The following FMO3 variants were observed in gnomAD, a reference collection of about 807,000 sequenced individuals.
FMO3 encodes the protein flavin-containing monooxygenase 3.
In FMO3, 40 loss-of-function variants were observed where a neutral mutation model predicts 39.4. The ratio of observed to expected loss-of-function variants is 1.02; its 90% CI spans 0.79 to 1.32. The LOEUF is 1.32. FMO3 is among the 40% of genes most tolerant of loss of function. The pLI, the probability that FMO3 is intolerant of heterozygous loss-of-function variation, is 0.00. For synonymous variants in FMO3, 219 were observed against 228.8 expected (o/e 0.96, Z 0.39); for missense variants, 680 against 651.8 (o/e 1.04, Z -0.47).
Position 171,092,683 on chromosome 1 carries a change from G to C in FMO3, c.25G>C (p.Gly9Arg). MGKKVAIIGAGVSGLASIR... is the reference protein window; with the variant it reads MGKKVAIIRAGVSGLASIR... ...CATGGGGAAGAAAGTGGCCATCATT[G>C]GAGCTGGTGTGAGTGGCTTGGCCTC... Residue 9 changes from glycine (G) to arginine (R), a missense_variant, in exon 2 of 9, where the codon GGA becomes CGA. Gly to Arg is a moderately radical substitution (Grantham distance 125). Transcript: ENST00000367755. The C allele has an allele frequency of 6.2e-7, 1 of 1,614,180 alleles. No individual in the cohort carries two copies.
intron 2 of FMO3, among the ~76,000 whole-genome samples, chr1:171,093,554 TG>T (rs1181771610): frequency 6.6e-6 from 1 of 151,858 alleles, no homozygotes; most frequent in Non-Finnish European, 1.5e-5. Context: ...CATATATGTA[TG>T]TATATACCAC....
Position 171,117,274 on chromosome 1 carries a change from G to A in FMO3, c.1431G>A (p.Gly477=). ...SPYQFRLVGP[G]QWPGARNAIL... Reference sequence around the variant, plus strand: ...ACCAGTTTAGGCTGGTGGGCCCAGGGCAGTGGCCAGGAGCCAGAAATGCCA... The same window carrying A: ...ACCAGTTTAGGCTGGTGGGCCCAGGACAGTGGCCAGGAGCCAGAAATGCCA... The change falls in exon 9 of 9, where the codon GGG becomes GGA. Residue 477 remains glycine, a synonymous_variant. Transcript: ENST00000367755. 6.2e-7 allele frequency: 1 copy of A among 1,614,194 alleles called. No homozygotes were observed. The highest frequency in any genetic ancestry group is 8.5e-7 in the Non-Finnish European group (1 of 1,180,026).
intron 3 of FMO3, among the ~76,000 whole-genome samples, chr1:171,104,895 T>C (rs1376657792): frequency 6.6e-6 from 1 of 151,182 alleles, no homozygotes; most frequent in African/African-American, 2.4e-5. Flanking sequence ...AAATAAACAA[T>C]AGATAAAAAG....
rs893223321 is a variant in FMO3 at position 171,110,882 on chromosome 1, C to T, written c.712C>T (p.Arg238Ter). The change falls in exon 6 of 9, where the codon CGA (arginine) becomes TGA (stop). Residue 238 changes from arginine to a stop codon, truncating the protein, a stop_gained. Transcript: ENST00000367755. LOFTEE classifies it high-confidence loss of function. The part of the protein sequence containing the change: ...GYPWDMLLVT[R>*]FGTFLKNNLP... Reference sequence around the variant, plus strand: ...TCCTTGGGACATGCTGCTCGTCACTCGATTTGGAACCTTCCTCAAGAACAA... The same window carrying T: ...TCCTTGGGACATGCTGCTCGTCACTTGATTTGGAACCTTCCTCAAGAACAA... 2.0e-5 allele frequency: 32 copies of T among 1,613,976 alleles called. No homozygotes were observed. Among genetic ancestry groups the T allele is most frequent in the Middle Eastern group, 1.7e-4 (1 of 6,058 alleles).
chr1:171,096,030 AT>A (rs1654984963), intron 2 of FMO3, among the ~76,000 whole-genome samples: 1 of 60,006 alleles, frequency 1.7e-5, no homozygotes, highest in African/African-American at 7.6e-5. Context: ...ATATTAATAT[AT>A]AATATATATT....
At position 171,103,846 on chromosome 1, in the gene FMO3, A is replaced by T; in HGVS notation, c.194A>T (p.Glu65Val). ...TCAGTCTTTTCCAACTCTTCCAAAG[A>T]GATGATGTGTTTCCCAGACTTCCCA... ...YKSVFSNSSK[E>V]MMCFPDFPFP... The change falls in exon 3 of 9, where the codon GAG (glutamate) becomes GTG (valine). Residue 65 changes from glutamate (E) to valine (V), a missense_variant. By Grantham distance (121) the Glu-to-Val change is moderately radical (BLOSUM62 -2). Coordinates refer to ENST00000367755, the MANE Select transcript of FMO3 (RefSeq NM_001002294.3). The T allele has an allele frequency of 1.9e-6, 3 of 1,613,864 alleles. No individual in the cohort carries two copies. Among genetic ancestry groups the T allele is most frequent in the Non-Finnish European group, 2.5e-6 (3 of 1,179,856 alleles).
chr1:171,096,006 A>AT, intron 2 of FMO3, among the ~76,000 whole-genome samples: 3 of 42,112 alleles, frequency 7.1e-5, no homozygotes, highest in African/African-American at 1.1e-4. Flanking sequence ...TTTATATATT[A>AT]ATATACATAT....
In FMO3 at chr1:171,103,834, A is replaced by C. The variant is rs72549322; in HGVS notation, c.182A>C (p.Asn61Thr). The C allele has an allele frequency of 1.2e-6, 2 of 1,613,634 alleles. No homozygotes were observed. Among genetic ancestry groups the C allele is most frequent in the African/African-American group, 1.3e-5 (1 of 74,884 alleles). Residue 61 changes from asparagine (N) to threonine (T), a missense_variant, in exon 3 of 9, where the codon AAC becomes ACC. Coordinates refer to ENST00000367755, the MANE Select transcript of FMO3 (RefSeq NM_001002294.3). ...AGCATTTACAAATCAGTCTTTTCCA[A>C]CTCTTCCAAAGAGATGATGTGTTTC... ...RASIYKSVFS[N>T]SSKEMMCFPD...
chr1:171,107,640 T>C, intron 3 of FMO3, 35 bp from the exon 4 acceptor site: 1 of 1,594,606 alleles, frequency 6.3e-7, no homozygotes, highest in Non-Finnish European at 8.6e-7. Flanking sequence ...TTTGCTAGCA[T>C]AGAAAAGAGG....
intron 8 of FMO3, 122 bp downstream of exon 8, chr1:171,116,402 G>T: frequency 1.6e-6 from 1 of 633,492 alleles, no homozygotes. Flanking sequence ...ACAACTACAA[G>T]CTATATTCAT....
chr1:171,109,513 CCTT>C (rs562300014), intron 5 of FMO3, among the ~76,000 whole-genome samples: 1,818 of 134,320 alleles, frequency 0.014, 46 homozygotes, highest in African/African-American at 0.048. Flanking sequence ...ATTAATTGAT[CCTT>C]TAGTCTCTTC....
rs780703747 is a variant in FMO3, at chr1:171,107,759, G to T, written c.406G>T (p.Glu136Ter). The T allele has an allele frequency of 1.5e-5, 24 of 1,613,842 alleles. No homozygotes were observed. The highest frequency in any genetic ancestry group is 1.9e-5 in the Non-Finnish European group (23 of 1,179,858). ...DVTTERDGKK[E>*]SAVFDAVMVC... The stretch of plus-strand genomic sequence containing the variant: ...TACCACTGAAAGGGATGGTAAAAAA[G>T]AATCGGCTGTCTTTGATGCTGTAAT... The change falls in exon 4 of 9, where the codon GAA becomes TAA. Residue 136 changes from glutamate (E) to a stop codon, truncating the protein, a stop_gained. Transcript: ENST00000367755. LOFTEE classifies it high-confidence loss of function.
chr1:171,106,696 T>C (rs1338057050), intron 3 of FMO3, among the ~76,000 whole-genome samples: 1 of 152,172 alleles, frequency 6.6e-6, no homozygotes, highest in Non-Finnish European at 1.5e-5. Context: ...AATGTGATTC[T>C]CTATGTAGTA....
chr1:171,096,299 A>G (rs1252421986), intron 2 of FMO3, among the ~76,000 whole-genome samples: 3 of 90,968 alleles, frequency 3.3e-5, no homozygotes, highest in African/African-American at 4.8e-5. Flanking sequence ...TATCTATTAT[A>G]TATCATATAT....
intron 8 of FMO3, among the ~76,000 whole-genome samples, chr1:171,116,659 G>A (rs1656167279): frequency 6.6e-6 from 1 of 152,122 alleles, no homozygotes; most frequent in African/African-American, 2.4e-5. Flanking sequence ...AAGATGTAGA[G>A]GATATTTCAA....
intron 6 of FMO3, among the ~76,000 whole-genome samples, chr1:171,111,761 A>C (rs1557944811): frequency 6.6e-6 from 1 of 152,240 alleles, no homozygotes; most frequent in Non-Finnish European, 1.5e-5. Context: ...ACAAACATTT[A>C]TTACACGTTT....
In FMO3 at chr1:171,107,795, G is replaced by T. The variant is rs72549325; in HGVS notation, c.442G>T (p.Gly148Ter). The T allele has an allele frequency of 1.9e-6, 3 of 1,613,736 alleles. No homozygotes were observed. In the East Asian group the frequency reaches 6.7e-5, roughly 36 times the overall value. Residue 148 changes from glycine (G) to a stop codon, truncating the protein, a stop_gained, in exon 4 of 9, where the codon GGA becomes TGA. Transcript: ENST00000367755. LOFTEE classifies it high-confidence loss of function. ...AVFDAVMVCS[G>*]HHVYPNLPKE... ...CTTTGATGCTGTAATGGTTTGTTCC[G>T]GACATCATGTGTATCCCAACCTACC...
At chr1:171,096,151 G>T (rs185266583) in intron 2 of FMO3, among the ~76,000 whole-genome samples, 80,446 of 80,486 alleles carry the variant, frequency 1, 40,203 homozygotes, top group Middle Eastern at 1. Flanking sequence ...ATATTGATAT[G>T]AATATATAAT....
In FMO3 at chr1:171,108,138, T is replaced by G. The variant is rs1409094689; in HGVS notation, c.544T>G (p.Phe182Val). ...CAGGGACTATAAAGAACCAGGTGTATTCAATGGAAAGCGTGTCCTGGTGGT... is the reference window on the plus strand; with the variant it reads ...CAGGGACTATAAAGAACCAGGTGTAGTCAATGGAAAGCGTGTCCTGGTGGT... ...HSRDYKEPGV[F>V]NGKRVLVVGL... is the part of the protein sequence containing the mutation. Residue 182 changes from phenylalanine to valine, a missense_variant, in exon 5 of 9, where the codon TTC becomes GTC. Transcript: ENST00000367755. 1.2e-6 allele frequency: 2 copies of G among 1,613,810 alleles called. No homozygotes were observed. The highest frequency in any genetic ancestry group is 2.7e-5 in the African/African-American group (2 of 74,890).
Sources: allele counts gnomAD v4.1 joint callset (sites outside exome capture counted in the v4.1 genomes callset), GRCh38; gene constraint gnomAD v4.1.1; transcripts MANE v1.5; gene names NCBI Gene and HGNC (gene_info 2026-07-23, HGNC 2026-07-21).